The following SLC16A1 variants were observed in gnomAD, a reference collection of about 807,000 sequenced individuals.
The protein encoded by SLC16A1 is solute carrier family 16 member 1.
SLC16A1 carries 11 observed loss-of-function variants against 32.2 expected under a neutral mutation model. The ratio of observed to expected loss-of-function variants is 0.34; its 90% CI spans 0.21 to 0.56. The LOEUF is 0.56. Among genes scored for constraint, SLC16A1 ranks in the 20% least tolerant of loss-of-function variants. The pLI, the probability that SLC16A1 is intolerant of heterozygous loss-of-function variation, is 0.87. For synonymous variants in SLC16A1, 231 were observed against 226.8 expected, an observed-to-expected ratio of 1.02 and a Z score of -0.17; for missense variants, 435 against 615.0, an observed-to-expected ratio of 0.71 and a Z score of 3.10.
intron 1 of SLC16A1, among the ~76,000 whole-genome samples, chr1:112,942,001 A>G (rs1649529099): frequency 6.6e-6 from 1 of 150,694 alleles, no homozygotes; most frequent in Non-Finnish European, 1.5e-5. Flanking sequence ...ATGGAGTTTC[A>G]CTCTTGGTTG....
At position 112,929,271 on chromosome 1, in the gene SLC16A1, G is replaced by A; in HGVS notation, c.38C>T (p.Pro13Leu). The A allele has an allele frequency of 6.2e-7, 1 of 1,614,038 alleles. No homozygotes were observed. The highest frequency in any genetic ancestry group is 8.5e-7 in the Non-Finnish European group (1 of 1,180,018). ...TGCCCAGCCCCAGCCTCCATCTGGG[G>A]GGGTGTATCCAACTGGACCTCCAAC... ...PAVGGPVGYT[P>L]PDGGWGWAVV... Residue 13 changes from proline to leucine, a missense_variant, in exon 2 of 5, where the codon CCC becomes CTC. Pro to Leu is a moderately conservative substitution (Grantham distance 98, BLOSUM62 -3). Around this residue, in one of 2 missense-constraint regions of SLC16A1, gnomAD observed 324 missense variants for 500.3 expected, o/e 0.65. Coordinates refer to ENST00000369626, the MANE Select transcript of SLC16A1 (RefSeq NM_003051.4).
intron 1 of SLC16A1, among the ~76,000 whole-genome samples, chr1:112,933,366 C>T (rs1372209811): frequency 2.7e-5 from 4 of 150,882 alleles, no homozygotes; most frequent in Admixed American, 6.6e-5. Context: ...GCAAGAGAAT[C>T]GCTCGCTTGA....
intron 2 of SLC16A1, among the ~76,000 whole-genome samples, chr1:112,925,688 T>C (rs543038058): frequency 2.6e-5 from 4 of 152,256 alleles, no homozygotes; most frequent in Non-Finnish European, 5.9e-5. Context: ...CTTCTCTTCT[T>C]ACTTGCTATA....
chr1:112,928,502 A>G (rs1201112399), intron 2 of SLC16A1, among the ~76,000 whole-genome samples: 1 of 152,230 alleles, frequency 6.6e-6, no homozygotes, highest in Non-Finnish European at 1.5e-5. Flanking sequence ...ATGTTAAGTG[A>G]GCAACTTACT....
At chr1:112,943,406 G>A (rs541735208) in intron 1 of SLC16A1, among the ~76,000 whole-genome samples, 1 of 152,254 alleles carries the variant, frequency 6.6e-6, no homozygotes, top group South Asian at 2.1e-4. Context: ...AAGATTTGTA[G>A]AAGGGCAATA....
chr1:112,913,818 A>G lies in SLC16A1; in HGVS notation c.*73T>C. 1.3e-6 allele frequency: 2 copies of G among 1,549,764 alleles called. No individual in the cohort carries two copies. The highest frequency in any genetic ancestry group is 1.4e-5 in the African/African-American group (1 of 73,518). ...TATTTGCATTGAGCACCACTGGTAG[A>G]TTACAGGCCAGTAGAATATTTTCAG... is the stretch of plus-strand genomic sequence containing the variant. On this transcript the variant is annotated 3_prime_UTR_variant, in exon 5 of 5. Coordinates refer to ENST00000369626, the MANE Select transcript of SLC16A1 (RefSeq NM_003051.4).
At chr1:112,942,689 G>A (rs1257013881) in intron 1 of SLC16A1, among the ~76,000 whole-genome samples, 1 of 152,170 alleles carries the variant, frequency 6.6e-6, no homozygotes, top group African/African-American at 2.4e-5. Context: ...GATACAATAT[G>A]CCTGAGTAAG....
At chr1:112,915,149 A>G (rs1485886453) in intron 4 of SLC16A1, among the ~76,000 whole-genome samples, 1 of 152,216 alleles carries the variant, frequency 6.6e-6, no homozygotes, top group Non-Finnish European at 1.5e-5. Context: ...CCTGAGGATA[A>G]GGGTGAACAG....
chr1:112,952,285 T>A (rs929680916), intron 1 of SLC16A1, among the ~76,000 whole-genome samples: 8 of 152,220 alleles, frequency 5.3e-5, no homozygotes, highest in Non-Finnish European at 1.0e-4. Flanking sequence ...CAAACATAAT[T>A]GCGGTTTTTC....
intron 1 of SLC16A1, among the ~76,000 whole-genome samples, chr1:112,951,384 A>G (rs1649885882): frequency 6.6e-6 from 1 of 150,898 alleles, no homozygotes; most frequent in Admixed American, 6.6e-5. Flanking sequence ...AATCAGAAGA[A>G]AAAAACTAGG....
chr1:112,930,445 A>G (rs1428561338), intron 1 of SLC16A1, among the ~76,000 whole-genome samples: 1 of 152,166 alleles, frequency 6.6e-6, no homozygotes, highest in Non-Finnish European at 1.5e-5. Context: ...CTAGCTCTCG[A>G]GTAAATGAAT....
At chr1:112,948,177 C>T (rs1047588386) in intron 1 of SLC16A1, among the ~76,000 whole-genome samples, 5 of 152,096 alleles carry the variant, frequency 3.3e-5, no homozygotes, top group South Asian at 2.1e-4. Context: ...GCCAACATCA[C>T]GCCACTGTAT....
At chr1:112,919,208 G>A (rs939814978) in intron 3 of SLC16A1, among the ~76,000 whole-genome samples, 4 of 150,062 alleles carry the variant, frequency 2.7e-5, no homozygotes, top group African/African-American at 9.8e-5. Context: ...TTTTTTTTTT[G>A]TATTTTTAGT....
chr1:112,918,294 G>C (rs548325659), intron 3 of SLC16A1, among the ~76,000 whole-genome samples: 1 of 152,198 alleles, frequency 6.6e-6, no homozygotes, highest in Admixed American at 6.5e-5. Flanking sequence ...ACGGGCACAG[G>C]TCACTGTTGT....
intron 1 of SLC16A1, among the ~76,000 whole-genome samples, chr1:112,931,322 A>G (rs959267606): frequency 6.6e-6 from 1 of 152,110 alleles, no homozygotes; most frequent in African/African-American, 2.4e-5. Context: ...AATACAGTTA[A>G]AATCATAAAT....
intron 1 of SLC16A1, among the ~76,000 whole-genome samples, chr1:112,952,663 GTAGA>G (rs1190869232): frequency 6.6e-6 from 1 of 152,180 alleles, no homozygotes; most frequent in East Asian, 1.9e-4. Context: ...TCTGGGGAAA[GTAGA>G]TAGGGGAAGA....
intron 1 of SLC16A1, among the ~76,000 whole-genome samples, chr1:112,950,616 C>T (rs1649858545): frequency 6.6e-6 from 1 of 152,096 alleles, no homozygotes; most frequent in African/African-American, 2.4e-5. Context: ...TCAGTGACAC[C>T]CTTCAATGGC....
chr1:112,920,617 A>G (rs1278284785), intron 3 of SLC16A1, among the ~76,000 whole-genome samples: 1 of 152,106 alleles, frequency 6.6e-6, no homozygotes, highest in East Asian at 1.9e-4. Context: ...AAAAAACAAA[A>G]CAAAACAAAA....
At chr1:112,924,142 C>T (rs1467288248) in intron 2 of SLC16A1, 7 of 1,436,788 alleles carry the variant, frequency 4.9e-6, no homozygotes, top group East Asian at 2.3e-5. Context: ...AGCATGACCT[C>T]GGCTGCCCTC....
Sources: allele counts gnomAD v4.1 joint callset (sites outside exome capture counted in the v4.1 genomes callset), GRCh38; gene constraint gnomAD v4.1.1; regional missense constraint gnomAD v4.1.1; transcripts MANE v1.5; gene names NCBI Gene and HGNC (gene_info 2026-07-23, HGNC 2026-07-21).